The following BMPR1A variants were observed in gnomAD, a reference collection of about 807,000 sequenced individuals.
BMPR1A encodes bone morphogenetic protein receptor type 1A.
A neutral mutation model predicts 66.0 loss-of-function variants in BMPR1A; 7 were observed. That is an observed-to-expected ratio of 0.11 (90% CI 0.06 to 0.20). The LOEUF is 0.20. BMPR1A is among the 10% of genes least tolerant of loss of function. The probability of loss-of-function intolerance (pLI) is 1.00; values close to 1 mark genes in which losing one functional copy is unlikely to be tolerated. For missense variants in BMPR1A, 408 were observed against 669.1 expected, an observed-to-expected ratio of 0.61 and a Z score of 4.31; for synonymous variants, 200 against 229.7, an observed-to-expected ratio of 0.87 and a Z score of 1.17.
intron 1 of BMPR1A, among the ~76,000 whole-genome samples, chr10:86,809,122 C>CT (rs368236549): frequency 6.6e-6 from 1 of 152,094 alleles, no homozygotes; most frequent in Non-Finnish European, 1.5e-5. Flanking sequence ...AGTCTCCTGA[C>CT]TTTTTTCCTC....
intron 1 of BMPR1A, among the ~76,000 whole-genome samples, chr10:86,786,573 T>C (rs991091203): frequency 6.6e-6 from 1 of 152,244 alleles, no homozygotes; most frequent in Non-Finnish European, 1.5e-5. Flanking sequence ...CATCTCAGTC[T>C]TTTGTCACAG....
chr10:86,836,750 C>T (rs1394632881), intron 1 of BMPR1A, among the ~76,000 whole-genome samples: 2 of 152,010 alleles, frequency 1.3e-5, no homozygotes, highest in Non-Finnish European at 2.9e-5. Context: ...CTGGGCAACA[C>T]GGCAAAACCC....
chr10:86,820,846 C>T (rs1026255680), intron 1 of BMPR1A, among the ~76,000 whole-genome samples: 1 of 151,996 alleles, frequency 6.6e-6, no homozygotes, highest in African/African-American at 2.4e-5. Flanking sequence ...TGTTACTTGT[C>T]CTTTTTTGCA....
chr10:86,819,818 T>C (rs1399494995), intron 1 of BMPR1A, among the ~76,000 whole-genome samples: 2 of 152,206 alleles, frequency 1.3e-5, no homozygotes, highest in East Asian at 1.9e-4. Context: ...GCATAGCTTA[T>C]GTACATGTTA....
At chr10:86,771,340 G>T (rs1841257259) in intron 1 of BMPR1A, among the ~76,000 whole-genome samples, 1 of 152,142 alleles carries the variant, frequency 6.6e-6, no homozygotes, top group African/African-American at 2.4e-5. Context: ...ACATATAAAA[G>T]GTAAGTAGGT....
chr10:86,803,336 GTGT>G (rs35093904), intron 1 of BMPR1A, among the ~76,000 whole-genome samples: 46,910 of 151,782 alleles, frequency 0.31, 8,309 homozygotes, highest in East Asian at 0.69. Flanking sequence ...GGCTTCCACA[GTGT>G]TGGAATTCCA....
At chr10:86,877,572 A>G (rs990021770) in intron 3 of BMPR1A, among the ~76,000 whole-genome samples, 2 of 152,174 alleles carry the variant, frequency 1.3e-5, no homozygotes, top group African/African-American at 2.4e-5. Context: ...TTGCCTTAGT[A>G]TTATAACAAT....
At chr10:86,859,348 G>C (rs955219183) in intron 2 of BMPR1A, among the ~76,000 whole-genome samples, 5 of 151,970 alleles carry the variant, frequency 3.3e-5, no homozygotes, top group Non-Finnish European at 7.4e-5. Flanking sequence ...ATTTTTTGAA[G>C]TATAGAGATG....
chr10:86,785,854 G>A (rs911184023), intron 1 of BMPR1A, among the ~76,000 whole-genome samples: 14 of 152,186 alleles, frequency 9.2e-5, no homozygotes, highest in African/African-American at 3.1e-4. Context: ...TAACTTGGCT[G>A]ATTGGCCTTA....
intron 2 of BMPR1A, among the ~76,000 whole-genome samples, chr10:86,860,407 GGCAAGTT>G (rs760237695): frequency 1.5e-4 from 23 of 152,226 alleles, no homozygotes; most frequent in Non-Finnish European, 2.9e-4. Flanking sequence ...TGAAATAAAA[GGCAAGTT>G]GATGTGTGTT....
chr10:86,796,042 C>G (rs1477504286), intron 1 of BMPR1A, among the ~76,000 whole-genome samples: 1 of 152,092 alleles, frequency 6.6e-6, no homozygotes, highest in Non-Finnish European at 1.5e-5. Flanking sequence ...TTCTTTTGTT[C>G]TGTTTCCTTG....
rs1564724183 is a variant in BMPR1A at position 86,919,263 on chromosome 10, C to G, written c.960C>G (p.Phe320Leu). 6.2e-7 allele frequency: 1 copy of G among 1,613,948 alleles called. No individual in the cohort carries two copies. Among genetic ancestry groups the G allele is most frequent in the Middle Eastern group, 1.7e-4 (1 of 6,056 alleles). The change falls in exon 10 of 13, where the codon TTC (phenylalanine) becomes TTG (leucine). Residue 320 changes from phenylalanine (F) to leucine (L), a missense_variant. Physicochemically the swap from Phe to Leu is conservative, Grantham distance 22. Coordinates refer to ENST00000372037, the MANE Select transcript of BMPR1A (RefSeq NM_004329.3). Reference sequence around the variant, plus strand: ...ATGAAAATGGATCTCTCTATGACTTCCTGAAATGTGCTACACTGGACACCA... The same window carrying G: ...ATGAAAATGGATCTCTCTATGACTTGCTGAAATGTGCTACACTGGACACCA... ...DYHENGSLYDFLKCATLDTRA... is the reference protein window; with the variant it reads ...DYHENGSLYDLLKCATLDTRA...
At chr10:86,764,622 C>T (rs1841134580) in intron 1 of BMPR1A, among the ~76,000 whole-genome samples, 1 of 152,202 alleles carries the variant, frequency 6.6e-6, no homozygotes, top group South Asian at 2.1e-4. Flanking sequence ...TTGGACTGGT[C>T]TCCTGCTCTG....
chr10:86,777,458 G>A (rs540920733), intron 1 of BMPR1A, among the ~76,000 whole-genome samples: 9 of 152,200 alleles, frequency 5.9e-5, no homozygotes, highest in East Asian at 3.9e-4. Flanking sequence ...GCATATGCCC[G>A]TAGTTCCAGC....
chr10:86,923,242 T>TATATATA, intron 11 of BMPR1A, 134 bp from the exon 12 acceptor site: 10 of 1,203,812 alleles, frequency 8.3e-6, no homozygotes, highest in Non-Finnish European at 1.2e-5. Flanking sequence ...CTATTAAGAG[T>TATATATA]GAATCATAGT....
chr10:86,775,665 GT>G (rs369572074), intron 1 of BMPR1A, among the ~76,000 whole-genome samples: 8 of 149,210 alleles, frequency 5.4e-5, no homozygotes, highest in Admixed American at 6.7e-5. Context: ...AAAATAGCTA[GT>G]TTTTTTTTTA....
intron 2 of BMPR1A, among the ~76,000 whole-genome samples, chr10:86,858,312 C>T (rs1230733295): frequency 6.6e-6 from 1 of 152,094 alleles, no homozygotes; most frequent in East Asian, 1.9e-4. Context: ...TATATTGAAG[C>T]TTTCTGTACG....
intron 7 of BMPR1A, among the ~76,000 whole-genome samples, chr10:86,909,604 AAAAG>A (rs1843447622): frequency 2.0e-5 from 3 of 151,826 alleles, no homozygotes; most frequent in Admixed American, 6.6e-5. Context: ...AAAAAGAAAA[AAAAG>A]AAAAAAGAAT....
In BMPR1A at chr10:86,790,186, AAAATATATATATATATATATATATATAT is replaced by A. The variant is rs1841588343; in HGVS notation, c.-268+33269_-268+33296del. 6.4e-5 allele frequency among the ~76,000 whole-genome samples: 2 copies of A among 31,294 alleles called. 1 individual carries two copies. The highest frequency in any genetic ancestry group is 6.2e-4 in the African/African-American group (2 of 3,232). 20.5% of individuals were successfully genotyped at this position (31,294 alleles called of 152,430 possible). A position where few individuals can be genotyped will look rare whatever the true frequency, so the allele number is the denominator to read the frequency against. On this transcript the variant is annotated intron_variant, in intron 1 of 12. Coordinates refer to ENST00000372037, the MANE Select transcript of BMPR1A (RefSeq NM_004329.3). ...CCAAAAAAAAAAAAAAAAAAAAAAA[AAAATATATATATATATATATATATATAT>A]ATATATATATATATATATATATCAA... is the stretch of plus-strand genomic sequence containing the variant.
Sources: gnomAD v4.1 joint callset for allele counts (sites outside exome capture counted in the v4.1 genomes callset) on GRCh38, gnomAD v4.1.1 for gene constraint, MANE v1.5 for transcripts, NCBI Gene and HGNC (gene_info 2026-07-23, HGNC 2026-07-21) for gene names.